The following LMCD1 variants were observed in gnomAD, a reference collection of about 807,000 sequenced individuals.
LMCD1 encodes the protein LIM and cysteine rich domains 1.
Under a neutral mutation model 42.7 loss-of-function variants are expected in LMCD1, and 32 were observed. That is an observed-to-expected ratio of 0.75 (90% CI 0.57 to 1.01). The LOEUF (loss-of-function observed/expected upper bound fraction) is 1.01. Ranked by LOEUF, LMCD1 falls within the 50% of genes least tolerant of loss-of-function variation. The probability of loss-of-function intolerance (pLI) is 0.00; values close to 1 mark genes in which losing one functional copy is unlikely to be tolerated. For missense variants in LMCD1, 458 were observed against 483.1 expected (o/e 0.95, Z 0.49); for synonymous variants, 178 against 184.9 (o/e 0.96, Z 0.30).
At chr3:8,547,380 T>A (rs560746270) in intron 3 of LMCD1, among the ~76,000 whole-genome samples, 60 of 152,336 alleles carry the variant, frequency 3.9e-4, no homozygotes, top group African/African-American at 1.4e-3. Flanking sequence ...TGTTATTTGT[T>A]CCAGGCAGAA....
chr3:8,564,511 ATCC>A (rs1559358593), intron 4 of LMCD1, among the ~76,000 whole-genome samples: 1 of 152,100 alleles, frequency 6.6e-6, no homozygotes, highest in African/African-American at 2.4e-5. Flanking sequence ...GCCTCAAATG[ATCC>A]TCCTACCTCC....
At chr3:8,555,196 C>T (rs1029963915) in intron 4 of LMCD1, among the ~76,000 whole-genome samples, 4 of 152,144 alleles carry the variant, frequency 2.6e-5, no homozygotes, top group African/African-American at 9.7e-5. Flanking sequence ...TCCCCCCCGC[C>T]AAAGGTCTGC....
Position 8,572,225 on chromosome 3 carries a change from A to G in LMCD1, c.*4627A>G, listed in dbSNP as rs1362490853. The G allele has an allele frequency of 6.6e-6, 1 of 152,250 alleles. No individual in the cohort carries two copies. The highest frequency in any genetic ancestry group is 1.5e-5 in the Non-Finnish European group (1 of 68,044). The allele number at this position is 152,250 out of a possible 1,614,324, so 9.4% of individuals were successfully genotyped here. ...CAGATATTTCCTCGAAATTAGATTC[A>G]GCTTATGCATTTTTTGGAAGGAATA... On this transcript the variant is annotated 3_prime_UTR_variant, in exon 6 of 6. Coordinates refer to ENST00000157600, the MANE Select transcript of LMCD1 (RefSeq NM_014583.4).
rs937598905 is a variant in LMCD1 at position 8,573,115 on chromosome 3, C to T, written c.*5517C>T. 1 of 152,128 alleles carries T rather than the reference C, an allele frequency of 6.6e-6. No homozygotes were observed. The highest frequency in any genetic ancestry group is 1.5e-5 in the Non-Finnish European group (1 of 68,034). The allele number at this position is 152,128 out of a possible 1,614,324, so 9.4% of individuals were successfully genotyped here. On this transcript the variant is annotated 3_prime_UTR_variant, in exon 6 of 6. Coordinates refer to ENST00000157600, the MANE Select transcript of LMCD1 (RefSeq NM_014583.4). ...TACATTTCCTCATTTTGAGATATTT[C>T]TTCAACATATAGCTTTTCATTAGTG...
chr3:8,546,071 T>C (rs371868135), intron 3 of LMCD1, among the ~76,000 whole-genome samples: 114 of 152,206 alleles, frequency 7.5e-4, no homozygotes, highest in African/African-American at 2.5e-3. Context: ...AGGCAGAGAT[T>C]GCAGTGAGCT....
At chr3:8,559,591 C>T (rs925672700) in intron 4 of LMCD1, among the ~76,000 whole-genome samples, 14 of 152,202 alleles carry the variant, frequency 9.2e-5, no homozygotes, top group African/African-American at 1.4e-4. Flanking sequence ...TTGCAAACCT[C>T]GCTACAAAGA....
chr3:8,540,345 T>C (rs1238525744), intron 3 of LMCD1, among the ~76,000 whole-genome samples: 1 of 152,264 alleles, frequency 6.6e-6, no homozygotes, highest in Admixed American at 6.5e-5. Flanking sequence ...AAGTATTTAC[T>C]GTATACTAGC....
At chr3:8,527,752 C>T (rs752906121) in intron 1 of LMCD1, among the ~76,000 whole-genome samples, 19 of 152,094 alleles carry the variant, frequency 1.2e-4, no homozygotes, top group Non-Finnish European at 4.4e-5. Context: ...ATCATTAGGG[C>T]GTGTGATAGT....
At chr3:8,536,285 C>A (rs191706475) in intron 2 of LMCD1, among the ~76,000 whole-genome samples, 1 of 152,136 alleles carries the variant, frequency 6.6e-6, no homozygotes, top group Non-Finnish European at 1.5e-5. Flanking sequence ...GGTGACAGGC[C>A]GGAAAGGGAG....
intron 1 of LMCD1, among the ~76,000 whole-genome samples, chr3:8,514,612 A>C (rs927720477): frequency 3.3e-5 from 5 of 152,238 alleles, no homozygotes; most frequent in African/African-American, 7.2e-5. Flanking sequence ...AAATAATTCA[A>C]ATCTCCATCA....
chr3:8,519,966 T>A (rs73130034), intron 1 of LMCD1, among the ~76,000 whole-genome samples: 7,025 of 152,026 alleles, frequency 0.046, 285 homozygotes, highest in African/African-American at 0.1. Context: ...ATTGTCATAA[T>A]AGTTAACCCA....
intron 3 of LMCD1, among the ~76,000 whole-genome samples, chr3:8,542,109 C>T (rs2125028045): frequency 7.0e-6 from 1 of 143,300 alleles, no homozygotes; most frequent in Middle Eastern, 3.7e-3. Context: ...ATTCTCATGT[C>T]TCAGCTTCCC....
At chr3:8,517,823 A>G (rs1459229442) in intron 1 of LMCD1, among the ~76,000 whole-genome samples, 1 of 152,212 alleles carries the variant, frequency 6.6e-6, no homozygotes, top group African/African-American at 2.4e-5. Context: ...TATACACTTT[A>G]GAGATAATTT....
intron 1 of LMCD1, among the ~76,000 whole-genome samples, chr3:8,526,568 A>T (rs1694305517): frequency 6.6e-6 from 1 of 152,310 alleles, no homozygotes; most frequent in African/African-American, 2.4e-5. Flanking sequence ...TCAAACTTTA[A>T]TTGTTTATCA....
At chr3:8,533,658 A>G (rs999383206) in intron 2 of LMCD1, among the ~76,000 whole-genome samples, 1 of 152,232 alleles carries the variant, frequency 6.6e-6, no homozygotes, top group African/African-American at 2.4e-5. Flanking sequence ...ATAACTACGT[A>G]TGAACTGAAT....
intron 5 of LMCD1, among the ~76,000 whole-genome samples, chr3:8,566,596 G>A (rs889522281): frequency 6.6e-6 from 1 of 152,164 alleles, no homozygotes; most frequent in African/African-American, 2.4e-5. Flanking sequence ...CATTTATTAA[G>A]GGCTTACGGT....
At chr3:8,560,171 G>A (rs774587797) in intron 4 of LMCD1, among the ~76,000 whole-genome samples, 11 of 152,162 alleles carry the variant, frequency 7.2e-5, no homozygotes, top group Non-Finnish European at 1.2e-4. Flanking sequence ...AGGCCAAGGC[G>A]GGAGGATCCT....
At chr3:8,534,910 C>T (rs946509641) in intron 2 of LMCD1, among the ~76,000 whole-genome samples, 2 of 152,140 alleles carry the variant, frequency 1.3e-5, no homozygotes, top group African/African-American at 4.8e-5. Context: ...GTGTTGACAC[C>T]ATTTCAAGGA....
chr3:8,506,693 C>T (rs1264571588), intron 1 of LMCD1, among the ~76,000 whole-genome samples: 1 of 152,214 alleles, frequency 6.6e-6, no homozygotes, highest in Non-Finnish European at 1.5e-5. Context: ...GAGCTCTTAT[C>T]TCCCAACCAT....
Sources: gnomAD v4.1 joint callset for allele counts (sites outside exome capture counted in the v4.1 genomes callset) on GRCh38, gnomAD v4.1.1 for gene constraint, MANE v1.5 for transcripts, NCBI Gene and HGNC (gene_info 2026-07-23, HGNC 2026-07-21) for gene names.